The following GRAMD4 variants were observed in gnomAD, a reference collection of about 807,000 sequenced individuals.
The protein encoded by GRAMD4 is GRAM domain-containing protein 4.
A neutral mutation model predicts 83.9 loss-of-function variants in GRAMD4; 25 were observed. The ratio of observed to expected loss-of-function variants is 0.30; its 90% CI spans 0.22 to 0.42. The LOEUF (loss-of-function observed/expected upper bound fraction) is 0.42. Ranked by LOEUF, GRAMD4 falls within the 10% of genes least tolerant of loss-of-function variation. The pLI is 1.00. For missense variants in GRAMD4, 593 were observed against 788.7 expected, an observed-to-expected ratio of 0.75 and a Z score of 2.97; for synonymous variants, 336 against 320.9, an observed-to-expected ratio of 1.05 and a Z score of -0.50.
At chr22:46,614,477 G>A (rs946852266) in intron 1 of GRAMD4, among the ~76,000 whole-genome samples, 42 of 152,218 alleles carry the variant, frequency 2.8e-4, no homozygotes, top group African/African-American at 1.0e-3. Flanking sequence ...GACATTTCCC[G>A]TGTTGTAGAC....
chr22:46,590,179 T>C (rs538278564), intron 1 of GRAMD4, among the ~76,000 whole-genome samples: 1 of 152,210 alleles, frequency 6.6e-6, no homozygotes, highest in Non-Finnish European at 1.5e-5. Flanking sequence ...CTGGGCCGCC[T>C]GGACAGCCCT....
rs2081579163 is a variant in GRAMD4, at chr22:46,621,745, C to T, written c.-50+1180C>T. Among the ~76,000 whole-genome samples, 2 of 151,444 alleles carry T rather than the reference C, an allele frequency of 1.3e-5. No individual in the cohort carries two copies. Among genetic ancestry groups the T allele is most frequent in the Admixed American group, 6.6e-5 (1 of 15,264 alleles). ...GCTGTGTCGCGGAGGGCACCCCTAC[C>T]CCGGTGCAGGCGCAGGCTGGAAGTG... is the stretch of plus-strand genomic sequence containing the variant. On this transcript the variant is annotated intron_variant, in intron 1 of 18. Transcript: ENST00000406902. The surrounding 1 kb of genome is among the most constrained non-coding windows in gnomAD (Gnocchi z 5.8).
intron 3 of GRAMD4, among the ~76,000 whole-genome samples, chr22:46,645,945 A>G (rs921945890): frequency 6.6e-6 from 1 of 152,212 alleles, no homozygotes; most frequent in Admixed American, 6.5e-5. Context: ...TGTAAGGTGC[A>G]CACACAGCCT....
chr22:46,585,095 G>A (rs2081135853), intron 1 of GRAMD4, among the ~76,000 whole-genome samples: 1 of 152,174 alleles, frequency 6.6e-6, no homozygotes, highest in Non-Finnish European at 1.5e-5. Context: ...TGGGAAGAGA[G>A]AGAACCAGGT....
In GRAMD4 at chr22:46,668,144, C is replaced by G; in HGVS notation, c.907C>G (p.Leu303Val). The G allele has an allele frequency of 6.2e-7, 1 of 1,612,070 alleles. No homozygotes were observed. The highest frequency in any genetic ancestry group is 8.5e-7 in the Non-Finnish European group (1 of 1,179,388). ...TGTGTCTGAGAAGTTCCAGCTGGTG[C>G]TGGACGTCGCCCAGAAAGCCCAGGT... ...LTVSEKFQLV[L>V]DVAQKAQNLF... The change falls in exon 11 of 19, where the codon CTG (leucine) becomes GTG (valine). Residue 303 changes from leucine (L) to valine (V), a missense_variant. By Grantham distance (32) the Leu-to-Val change is conservative. This residue lies in a region of GRAMD4 where 36 missense variants were observed against 85.8 expected (regional missense o/e 0.42). Transcript: ENST00000406902.
intron 3 of GRAMD4, among the ~76,000 whole-genome samples, chr22:46,656,396 G>A (rs1217613354): frequency 1.3e-5 from 2 of 152,228 alleles, no homozygotes; most frequent in African/African-American, 2.4e-5. Context: ...TGGCTTCTGG[G>A]TTTACTGACC....
intron 3 of GRAMD4, among the ~76,000 whole-genome samples, chr22:46,652,632 G>A (rs56899659): frequency 1.9e-3 from 292 of 152,274 alleles, no homozygotes; most frequent in African/African-American, 6.7e-3. Context: ...GGGGCAGCCC[G>A]GCGTCCTCAG....
At chr22:46,595,186 C>T (rs1273834931) in intron 1 of GRAMD4, among the ~76,000 whole-genome samples, 1 of 152,140 alleles carries the variant, frequency 6.6e-6, no homozygotes, top group East Asian at 1.9e-4. Flanking sequence ...CCAAGAGGGG[C>T]ACGTTTTCAA....
chr22:46,673,652 G>A lies in GRAMD4; in HGVS notation c.1240-18G>A, dbSNP rs774495303. ...CGTGGGCAGCGGGCCTGACCTCGAC[G>A]CTGTTTGCCGTTGGCAGCTGCAGAC... On this transcript the variant is annotated intron_variant, in intron 14 of 18. Transcript: ENST00000406902. 16 of 1,607,154 alleles carry A rather than the reference G, an allele frequency of 1.0e-5. No individual in the cohort carries two copies. Among genetic ancestry groups the A allele is most frequent in the East Asian group, 2.2e-5 (1 of 44,714 alleles).
chr22:46,607,947 C>A (rs1011308475), intron 1 of GRAMD4, among the ~76,000 whole-genome samples: 12 of 152,318 alleles, frequency 7.9e-5, no homozygotes, highest in African/African-American at 2.4e-4. Context: ...GGCTGCCCCC[C>A]CAGGGGCCGT....
At chr22:46,650,864 A>G (rs1422011907) in intron 3 of GRAMD4, among the ~76,000 whole-genome samples, 2 of 152,088 alleles carry the variant, frequency 1.3e-5, no homozygotes, top group African/African-American at 4.8e-5. Flanking sequence ...GAGCGTCCCT[A>G]AACCTTGCGC....
chr22:46,580,247 G>T (rs550698225), intron 1 of GRAMD4, among the ~76,000 whole-genome samples: 2,075 of 152,354 alleles, frequency 0.014, 49 homozygotes, highest in African/African-American at 0.048. Flanking sequence ...TGCCTGGCTT[G>T]GAGATGGTCA....
chr22:46,576,798 G>A (rs2081045626), upstream of GRAMD4, among the ~76,000 whole-genome samples: 1 of 133,156 alleles, frequency 7.5e-6, no homozygotes, highest in Admixed American at 7.3e-5. Context: ...TGCTCCCGCG[G>A]GTGAGCCCGT....
chr22:46,661,561 C>T, intron 5 of GRAMD4, 119 bp downstream of exon 5: 1 of 730,636 alleles, frequency 1.4e-6, no homozygotes, highest in Non-Finnish European at 2.4e-6. Flanking sequence ...AGCAGGTGGG[C>T]AGGCGGCAGG....
chr22:46,580,461 G>T (rs2081086329), intron 1 of GRAMD4, among the ~76,000 whole-genome samples: 2 of 152,236 alleles, frequency 1.3e-5, no homozygotes, highest in Non-Finnish European at 2.9e-5. Flanking sequence ...CCACCGTCAG[G>T]TGTGGCTGGG....
At position 46,673,760 on chromosome 22, in the gene GRAMD4, A is replaced by C; in HGVS notation, c.1330A>C (p.Lys444Gln). ...EDAGRFHSTK[K>Q]GNFHEIFNLT... ...CGCCGGTCGCTTCCACAGCACCAAG[A>C]AGGGCAATTTCCACGAGATCTTCAA... Residue 444 changes from lysine to glutamine, a missense_variant, in exon 15 of 19, where the codon AAG (lysine) becomes CAG (glutamine). By Grantham distance (53) the Lys-to-Gln change is moderately conservative (BLOSUM62 1). Coordinates refer to ENST00000406902, the MANE Select transcript of GRAMD4 (RefSeq NM_015124.5). The C allele has an allele frequency of 6.2e-7, 1 of 1,613,072 alleles. No homozygotes were observed. The highest frequency in any genetic ancestry group is 8.5e-7 in the Non-Finnish European group (1 of 1,179,950).
chr22:46,668,284 G>A (rs2082441985), intron 11 of GRAMD4, 117 bp downstream of exon 11: 2 of 685,482 alleles, frequency 2.9e-6, no homozygotes, highest in Non-Finnish European at 5.1e-6. Context: ...GCCTGGGGAG[G>A]GCCGTGCCTG....
At chr22:46,584,645 G>A (rs1020228746) in intron 1 of GRAMD4, among the ~76,000 whole-genome samples, 7 of 152,136 alleles carry the variant, frequency 4.6e-5, no homozygotes, top group African/African-American at 1.7e-4. Flanking sequence ...CTTCGAGCCC[G>A]GGCTCCCGGT....
Position 46,661,367 on chromosome 22 carries a change from C to T in GRAMD4, c.405-14C>T, listed in dbSNP as rs2082324257. On this transcript the variant is annotated splice_polypyrimidine_tract_variant and intron_variant, in intron 4 of 18. Transcript: ENST00000406902. Reference sequence around the variant, plus strand: ...CTAACAGACCTCTTGTCTCTTCTCTCCCTGCTTTTTAAGAACCGAGGAGCA... The same window carrying T: ...CTAACAGACCTCTTGTCTCTTCTCTTCCTGCTTTTTAAGAACCGAGGAGCA... 6.2e-7 allele frequency: 1 copy of T among 1,610,644 alleles called. No individual in the cohort carries two copies. Among genetic ancestry groups the T allele is most frequent in the Admixed American group, 1.7e-5 (1 of 60,002 alleles).
Sources: gnomAD v4.1 joint callset for allele counts (sites outside exome capture counted in the v4.1 genomes callset) on GRCh38, gnomAD v4.1.1 for gene constraint, gnomAD v4.1.1 regional missense constraint, Gnocchi (gnomAD v3.1) non-coding constraint, MANE v1.5 for transcripts, NCBI Gene and HGNC (gene_info 2026-07-23, HGNC 2026-07-21) for gene names.